The following DNAH17 variants were observed in gnomAD, a reference collection of about 807,000 sequenced individuals.
DNAH17 encodes axonemal beta dynein heavy chain 17.
A neutral mutation model predicts 485.6 loss-of-function variants in DNAH17; 376 were observed. The observed-to-expected ratio is 0.77, with a 90% CI of 0.71 to 0.84. The LOEUF (loss-of-function observed/expected upper bound fraction) is 0.84, where lower values mean the gene tolerates loss of function less well. Ranked by LOEUF, DNAH17 falls within the 40% of genes least tolerant of loss-of-function variation. The pLI is 0.00. For synonymous variants in DNAH17, 3,031 were observed against 2,405.9 expected (o/e 1.26, Z -7.60); for missense variants, 6,370 against 5,839.3 (o/e 1.09, Z -2.96).
At chr17:78,536,506 C>T (rs1245366588) in intron 19 of DNAH17, among the ~76,000 whole-genome samples, 1 of 151,542 alleles carries the variant, frequency 6.6e-6, no homozygotes, top group Non-Finnish European at 1.5e-5. Context: ...ATGGCAAAAC[C>T]CCATCTCTAC....
chr17:78,459,297 G>A, intron 60 of DNAH17, 89 bp from the exon 61 acceptor site: 1 of 1,288,208 alleles, frequency 7.8e-7, no homozygotes. Context: ...GCCCAGGGTG[G>A]CACAGCTCTG....
rs755307249 is a variant in DNAH17 at position 78,570,378 on chromosome 17, G to A, written c.919-6C>T. The A allele has an allele frequency of 6.2e-6, 10 of 1,609,462 alleles. No homozygotes were observed. Among genetic ancestry groups the A allele is most frequent in the Middle Eastern group, 1.7e-4 (1 of 5,866 alleles). Reference sequence around the variant, plus strand: ...TTGGCAATGAAGGTGGGGAGCTGGGGGGAGACAGGCCCAGGCACACTGGAG... The same window carrying A: ...TTGGCAATGAAGGTGGGGAGCTGGGAGGAGACAGGCCCAGGCACACTGGAG... On this transcript the variant is annotated splice_region_variant and splice_polypyrimidine_tract_variant and intron_variant, in intron 6 of 80. Coordinates refer to ENST00000389840, the MANE Select transcript of DNAH17 (RefSeq NM_173628.4).
chr17:78,520,900 A>C (rs888129334), intron 25 of DNAH17, among the ~76,000 whole-genome samples: 1 of 152,176 alleles, frequency 6.6e-6, no homozygotes, highest in Admixed American at 6.5e-5. Flanking sequence ...ATGGAAAAGT[A>C]CAAGTCCTAG....
In DNAH17 at chr17:78,459,916, G is replaced by C; in HGVS notation, c.9521C>G (p.Pro3174Arg). ...VTAAVMILTA[P>R]GGKIPKDKSW... Reference sequence around the variant, plus strand: ...CTTGTCCTTGGGGATCTTGCCCCCAGGTGCGGTCAGAATCATGACGGCGGC... The same window carrying C: ...CTTGTCCTTGGGGATCTTGCCCCCACGTGCGGTCAGAATCATGACGGCGGC... The change falls in exon 60 of 81, where the codon CCT becomes CGT. Residue 3174 changes from proline to arginine, a missense_variant. By Grantham distance (103) the Pro-to-Arg change is moderately radical (BLOSUM62 -2). Coordinates refer to ENST00000389840, the MANE Select transcript of DNAH17 (RefSeq NM_173628.4). 6.2e-7 allele frequency: 1 copy of C among 1,614,022 alleles called. No individual in the cohort carries two copies. Among genetic ancestry groups the C allele is most frequent in the Non-Finnish European group, 8.5e-7 (1 of 1,179,900 alleles).
intron 2 of DNAH17, among the ~76,000 whole-genome samples, chr17:78,574,463 A>T (rs889492149): frequency 5.3e-5 from 8 of 151,798 alleles, no homozygotes; most frequent in Admixed American, 2.0e-4. Flanking sequence ...TGCTCCCACC[A>T]CTGCACTCCA....
chr17:78,444,912 T>C, intron 70 of DNAH17, 115 bp from the exon 71 acceptor site: 1 of 1,110,622 alleles, frequency 9.0e-7, no homozygotes, highest in African/African-American at 1.6e-5. Flanking sequence ...AAACCGGGGC[T>C]CTGGGATAAG....
rs1236747868 is a variant in DNAH17, at chr17:78,455,516, G to A, written c.10170+128C>T. 6 of 651,756 alleles carry A rather than the reference G, an allele frequency of 9.2e-6. No homozygotes were observed. The East Asian group carries it at 1.6e-4, about 18-fold the overall frequency. 40.4% of individuals were successfully genotyped at this position (651,756 alleles called of 1,614,324 possible). A position where few individuals can be genotyped will look rare whatever the true frequency, so the allele number is the denominator to read the frequency against. On this transcript the variant is annotated intron_variant, in intron 63 of 80. Transcript: ENST00000389840. Reference sequence around the variant, plus strand: ...ATTTTTTTTTAAATTTAATAGAGATGGGGTTTCACCATGTTGGCCAGGCTG... The same window carrying A: ...ATTTTTTTTTAAATTTAATAGAGATAGGGTTTCACCATGTTGGCCAGGCTG...
Position 78,424,061 on chromosome 17 carries a change from G to A in DNAH17, c.13234C>T (p.Pro4412Ser), listed in dbSNP as rs764526288. The change falls in exon 81 of 81, where the codon CCT becomes TCT. Residue 4412 changes from proline to serine, a missense_variant. Physicochemically the swap from Pro to Ser is moderately conservative, Grantham distance 74. Transcript: ENST00000389840. ...TTCTTGGTCTCCATGCGGTCCACAG[G>A]AATGGCCTTGATGAAGATGACAGGC... ...AMPVIFIKAI[P>S]VDRMETKNIY... 6.2e-7 allele frequency: 1 copy of A among 1,614,042 alleles called. No individual in the cohort carries two copies. Among genetic ancestry groups the A allele is most frequent in the South Asian group, 1.1e-5 (1 of 91,086 alleles).
intron 40 of DNAH17, 31 bp downstream of exon 40, chr17:78,494,562 C>G (rs1264650200): frequency 1.2e-6 from 2 of 1,608,526 alleles, no homozygotes; most frequent in African/African-American, 1.3e-5. Context: ...GCAGGCTTCT[C>G]CGGACAGACC....
intron 63 of DNAH17, among the ~76,000 whole-genome samples, chr17:78,454,924 T>C (rs575357571): frequency 6.1e-4 from 93 of 151,810 alleles, no homozygotes; most frequent in African/African-American, 2.1e-3. Context: ...GTTTTTTTTT[T>C]CCCCTGACAG....
At chr17:78,483,483 A>C (rs989567975) in intron 48 of DNAH17, among the ~76,000 whole-genome samples, 1 of 152,004 alleles carries the variant, frequency 6.6e-6, no homozygotes, top group Admixed American at 6.6e-5. Context: ...TACAAAAATT[A>C]GGTGGGCATG....
chr17:78,503,169 CTTTTTTTTT>C lies in DNAH17; in HGVS notation c.4957-167_4957-159del, dbSNP rs397856727. 1,149 of 127,414 alleles carry C rather than the reference CTTTTTTTTT, an allele frequency of 9.0e-3. 1 individual carries two copies. Among genetic ancestry groups the C allele is most frequent in the Middle Eastern group, 0.023 (8 of 346 alleles). 7.9% of individuals were successfully genotyped at this position (127,414 alleles called of 1,614,324 possible). On this transcript the variant is annotated intron_variant, in intron 31 of 80. Coordinates refer to ENST00000389840, the MANE Select transcript of DNAH17 (RefSeq NM_173628.4). ...TTACAGAGCAGTAACAGTGACACAC[CTTTTTTTTT>C]TTTTTTTTTTTTTTTTTTTAAGATG...
rs559193476 is a variant in DNAH17, at chr17:78,541,384, G to A, written c.2533-1504C>T. On this transcript the variant is annotated intron_variant, in intron 17 of 80. Coordinates refer to ENST00000389840, the MANE Select transcript of DNAH17 (RefSeq NM_173628.4). ...TGGTGGGTAGATGTGTAAGTGGATG[G>A]ATGGATGGATGGATGGGTGGATGGT... Among the ~76,000 whole-genome samples, 49 of 149,008 alleles carry A rather than the reference G, an allele frequency of 3.3e-4. 1 individual carries two copies. In the South Asian group the frequency reaches 0.01, roughly 32 times the overall value.
chr17:78,462,980 T>C lies in DNAH17; in HGVS notation c.9038A>G (p.Asn3013Ser), dbSNP rs757227328. 1 of 1,613,990 alleles carries C rather than the reference T, an allele frequency of 6.2e-7. No individual in the cohort carries two copies. Among genetic ancestry groups the C allele is most frequent in the Non-Finnish European group, 8.5e-7 (1 of 1,179,890 alleles). Residue 3013 changes from asparagine (N) to serine (S), a missense_variant, in exon 57 of 81, where the codon AAC becomes AGC. Transcript: ENST00000389840. Reference protein sequence around the residue: ...RVYLATERRYNYTTPKTFLEQ... With the variant: ...RVYLATERRYSYTTPKTFLEQ... ...CAGAAAGGTTTTGGGTGTGGTGTAG[T>C]TGTAGCGCCTCTCAGTAGCCAGGTA...
chr17:78,525,277 G>T (rs1048121840), intron 24 of DNAH17, 116 bp from the exon 25 acceptor site: 6 of 1,417,808 alleles, frequency 4.2e-6, no homozygotes, highest in Non-Finnish European at 5.7e-6. Flanking sequence ...CCTTCTGGGA[G>T]GAGGTGTCCA....
intron 69 of DNAH17, among the ~76,000 whole-genome samples, chr17:78,447,708 C>G (rs1385177559): frequency 6.7e-6 from 1 of 150,062 alleles, no homozygotes; most frequent in Non-Finnish European, 1.5e-5. Flanking sequence ...CATAGTGAAC[C>G]TATGATTCAG....
At chr17:78,527,247 C>T (rs374202533) in intron 22 of DNAH17, among the ~76,000 whole-genome samples, 29 of 151,982 alleles carry the variant, frequency 1.9e-4, no homozygotes, top group African/African-American at 7.0e-4. Flanking sequence ...TTTAGCTGGG[C>T]GTGATGATAT....
intron 22 of DNAH17, among the ~76,000 whole-genome samples, chr17:78,528,383 CA>C (rs1435597343): frequency 6.6e-6 from 1 of 152,160 alleles, no homozygotes; most frequent in African/African-American, 2.4e-5. Context: ...ACCTCCTGAG[CA>C]GCTGGGACTA....
chr17:78,507,094 C>T (rs2090505192), intron 29 of DNAH17, among the ~76,000 whole-genome samples, 184 bp downstream of exon 29: 1 of 152,194 alleles, frequency 6.6e-6, no homozygotes. Flanking sequence ...AAGGCCAAGG[C>T]ATCACGTGGT....
Sources: gnomAD v4.1 joint callset for allele counts (sites outside exome capture counted in the v4.1 genomes callset) on GRCh38, gnomAD v4.1.1 for gene constraint, MANE v1.5 for transcripts, NCBI Gene and HGNC (gene_info 2026-07-23, HGNC 2026-07-21) for gene names.